The following CYP4X1 variants were observed in gnomAD, a reference collection of about 807,000 sequenced individuals.
CYP4X1 encodes the protein cytochrome P450 4X1.
Under a neutral mutation model 57.9 loss-of-function variants are expected in CYP4X1, and 44 were observed. The observed-to-expected ratio is 0.76, with a 90% CI of 0.60 to 0.98. CYP4X1 has a LOEUF of 0.98. Among genes scored for constraint, CYP4X1 ranks in the 50% least tolerant of loss-of-function variants. The probability of loss-of-function intolerance (pLI) is 0.00; values close to 1 mark genes in which losing one functional copy is unlikely to be tolerated. For synonymous variants in CYP4X1, 227 were observed against 228.6 expected, an observed-to-expected ratio of 0.99 and a Z score of 0.06; for missense variants, 532 against 623.9, an observed-to-expected ratio of 0.85 and a Z score of 1.57.
At chr1:47,041,006 A>T (rs1644241185) in intron 8 of CYP4X1, among the ~76,000 whole-genome samples, 1 of 151,930 alleles carries the variant, frequency 6.6e-6, no homozygotes, top group Non-Finnish European at 1.5e-5. Flanking sequence ...TTTGAGTTTA[A>T]TGTTTTAGAT....
rs761161411 is a variant in CYP4X1 at position 47,036,129 on chromosome 1, T to C, written c.733T>C (p.Tyr245His). ...AATTTTCAAACTCAGCCCTCAGGGC[T>C]ACCGCTTCCAGAAGTTAAGCCGAGT... The part of the protein sequence containing the change: ...DIIFKLSPQG[Y>H]RFQKLSRVLN... The change falls in exon 6 of 12, where the codon TAC becomes CAC. Residue 245 changes from tyrosine (Y) to histidine (H), a missense_variant. Tyr to His is a moderately conservative substitution (Grantham distance 83). Transcript: ENST00000371901. The C allele has an allele frequency of 6.2e-7, 1 of 1,613,660 alleles. No homozygotes were observed. The highest frequency in any genetic ancestry group is 1.1e-5 in the South Asian group (1 of 91,032).
chr1:47,018,729 T>G (rs559736138), upstream of CYP4X1, among the ~76,000 whole-genome samples: 5 of 152,342 alleles, frequency 3.3e-5, no homozygotes, highest in East Asian at 9.6e-4. Context: ...GTCTTCAGTT[T>G]GCAGGGCTTT....
At chr1:47,043,261 G>T (rs1644266733) in intron 8 of CYP4X1, among the ~76,000 whole-genome samples, 1 of 152,024 alleles carries the variant, frequency 6.6e-6, no homozygotes, top group African/African-American at 2.4e-5. Context: ...ATCTTCTTTT[G>T]AGAATTGTCT....
chr1:46,973,553 G>A, the CYP4X1 span, among the ~76,000 whole-genome samples: 3 of 151,930 alleles, frequency 2.0e-5, no homozygotes, highest in Non-Finnish European at 4.4e-5. Flanking sequence ...GAATATGTCT[G>A]GTCTAGAGCT....
upstream of CYP4X1, chr1:47,023,652 C>T (rs533558835): frequency 3.3e-4 from 464 of 1,410,870 alleles, 8 homozygotes; most frequent in South Asian, 6.6e-3. Context: ...TCTCCCCAGG[C>T]CTGAGCTGCC....
At position 47,033,161 on chromosome 1, in the gene CYP4X1, C is replaced by T; in HGVS notation, c.365-80C>T. The T allele has an allele frequency of 5.3e-6, 8 of 1,521,162 alleles. No individual in the cohort carries two copies. In the South Asian group the frequency reaches 9.0e-5, roughly 17 times the overall value. 94.2% of individuals were successfully genotyped at this position (1,521,162 alleles called of 1,614,324 possible). On this transcript the variant is annotated intron_variant, in intron 3 of 11. Coordinates refer to ENST00000371901, the MANE Select transcript of CYP4X1 (RefSeq NM_178033.2). The stretch of plus-strand genomic sequence containing the variant: ...TGACTGCCTGTGGGTCATGGTTACT[C>T]CACGCTGCCTGTGTTCCTCATCTAT...
the CYP4X1 span, among the ~76,000 whole-genome samples, chr1:46,964,155 T>C: frequency 6.6e-6 from 1 of 152,210 alleles, no homozygotes; most frequent in African/African-American, 2.4e-5. Flanking sequence ...CTAATCTTTT[T>C]TCAAGGTTTT....
At chr1:47,027,734 C>G (rs1041156113) in intron 1 of CYP4X1, among the ~76,000 whole-genome samples, 1 of 152,186 alleles carries the variant, frequency 6.6e-6, no homozygotes, top group African/African-American at 2.4e-5. Context: ...TCCCTTGGAG[C>G]TTTGAACATG....
chr1:47,044,296 A>G (rs1260257168), intron 8 of CYP4X1, among the ~76,000 whole-genome samples: 1 of 152,134 alleles, frequency 6.6e-6, no homozygotes, highest in African/African-American at 2.4e-5. Flanking sequence ...GGGTTACATA[A>G]AGCATAGTTA....
At chr1:47,043,555 A>G (rs1644270441) in intron 8 of CYP4X1, among the ~76,000 whole-genome samples, 1 of 152,026 alleles carries the variant, frequency 6.6e-6, no homozygotes, top group African/African-American at 2.4e-5. Flanking sequence ...TTGGTCATGA[A>G]GTCTTTGCCT....
At chr1:46,965,693 C>T in the CYP4X1 span, among the ~76,000 whole-genome samples, 2 of 152,242 alleles carry the variant, frequency 1.3e-5, no homozygotes, top group African/African-American at 4.8e-5. Flanking sequence ...GGATCAGGGA[C>T]CAGCTTAAAG....
the CYP4X1 span, among the ~76,000 whole-genome samples, chr1:47,012,423 G>C: frequency 3.3e-5 from 5 of 152,180 alleles, no homozygotes; most frequent in Non-Finnish European, 5.9e-5. Context: ...TGAGGGGAGT[G>C]GGGAGGGATA....
the CYP4X1 span, among the ~76,000 whole-genome samples, chr1:46,991,374 C>G: frequency 6.6e-6 from 1 of 152,256 alleles, no homozygotes; most frequent in Admixed American, 6.5e-5. Flanking sequence ...CACAGTAAGC[C>G]CCAGACGGCT....
At chr1:46,989,015 T>A in the CYP4X1 span, among the ~76,000 whole-genome samples, 1 of 152,078 alleles carries the variant, frequency 6.6e-6, no homozygotes, top group Non-Finnish European at 1.5e-5. Flanking sequence ...CTCTCACCAC[T>A]CCTATTCAAC....
intron 8 of CYP4X1, among the ~76,000 whole-genome samples, chr1:47,040,844 CA>C: frequency 6.6e-6 from 1 of 152,120 alleles, no homozygotes; most frequent in East Asian, 1.9e-4. Context: ...TTCAAGTATA[CA>C]AATTGTTAGT....
At chr1:47,044,969 G>A (rs1458865231) in intron 8 of CYP4X1, among the ~76,000 whole-genome samples, 1 of 152,026 alleles carries the variant, frequency 6.6e-6, no homozygotes, top group African/African-American at 2.4e-5. Flanking sequence ...GGGATTACAG[G>A]CATGCACCAC....
chr1:46,982,322 C>T, the CYP4X1 span, among the ~76,000 whole-genome samples: 2 of 152,106 alleles, frequency 1.3e-5, no homozygotes, highest in African/African-American at 2.4e-5. Context: ...TGATAACATC[C>T]AGGTTTTGAA....
the CYP4X1 span, among the ~76,000 whole-genome samples, chr1:47,000,681 T>C: frequency 2.0e-5 from 3 of 148,850 alleles, no homozygotes; most frequent in Admixed American, 1.3e-4. Context: ...AAATTGGGAG[T>C]TGGGTGGGGA....
chr1:47,003,669 G>A, the CYP4X1 span, among the ~76,000 whole-genome samples: 1 of 151,944 alleles, frequency 6.6e-6, no homozygotes, highest in Non-Finnish European at 1.5e-5. Context: ...GGGTGGGGAG[G>A]TGCCACACTT....
Sources: gnomAD v4.1 joint callset for allele counts (sites outside exome capture counted in the v4.1 genomes callset) on GRCh38, gnomAD v4.1.1 for gene constraint, MANE v1.5 for transcripts, NCBI Gene and HGNC (gene_info 2026-07-23, HGNC 2026-07-21) for gene names.